MAP7: variants seen among roughly 807,000 people sequenced by gnomAD.
MAP7 encodes the protein ensconsin.
A neutral mutation model predicts 94.8 loss-of-function variants in MAP7; 52 were observed. The observed-to-expected ratio is 0.55, with a 90% CI of 0.44 to 0.69. The LOEUF is 0.69. Ranked by LOEUF, MAP7 falls within the 30% of genes least tolerant of loss-of-function variation. The probability of loss-of-function intolerance (pLI) is 0.00; values close to 1 mark genes in which losing one functional copy is unlikely to be tolerated. For missense variants in MAP7, 940 were observed against 964.6 expected (o/e 0.97, Z 0.34); for synonymous variants, 350 against 357.0 (o/e 0.98, Z 0.22).
rs1045827513 is a variant in MAP7, at chr6:136,343,412, C to T, written c.*816G>A. On this transcript the variant is annotated 3_prime_UTR_variant, in exon 18 of 18. Transcript: ENST00000354570. ...ACTGGGGACAGCAGCAACATACAGACTTCAGAAATAGCCCTGAATCATCAG... is the reference window on the plus strand; with the variant it reads ...ACTGGGGACAGCAGCAACATACAGATTTCAGAAATAGCCCTGAATCATCAG... 6.6e-6 allele frequency: 1 copy of T among 152,650 alleles called. No individual in the cohort carries two copies. The highest frequency in any genetic ancestry group is 2.4e-5 in the African/African-American group (1 of 41,458). The allele number at this position is 152,650 out of a possible 1,614,324, so 9.5% of individuals were successfully genotyped here. A position where few individuals can be genotyped will look rare whatever the true frequency, so the allele number is the denominator to read the frequency against.
chr6:136,498,784 C>T (rs1012857380), intron 1 of MAP7, among the ~76,000 whole-genome samples: 3 of 151,702 alleles, frequency 2.0e-5, no homozygotes, highest in Admixed American at 6.6e-5. Context: ...GAAAACCCAA[C>T]GAAGTTGACT....
chr6:136,431,592 A>C (rs1228926865), intron 1 of MAP7, among the ~76,000 whole-genome samples: 1 of 151,770 alleles, frequency 6.6e-6, no homozygotes, highest in Non-Finnish European at 1.5e-5. Context: ...ATCTTGATTC[A>C]CTGTAACCTC....
chr6:136,411,545 A>G, intron 3 of MAP7, 75 bp downstream of exon 3: 1 of 1,243,988 alleles, frequency 8.0e-7, no homozygotes, highest in Non-Finnish European at 1.1e-6. Context: ...TAAAATTCAT[A>G]AAGGTATGCA....
chr6:136,412,737 A>G (rs1416920631), intron 2 of MAP7, among the ~76,000 whole-genome samples: 3 of 152,184 alleles, frequency 2.0e-5, no homozygotes, highest in Non-Finnish European at 4.4e-5. Context: ...ACATGGGTGG[A>G]GAAGAGGGGT....
chr6:136,369,127 T>A (rs1371806144), intron 8 of MAP7, among the ~76,000 whole-genome samples: 2 of 152,254 alleles, frequency 1.3e-5, no homozygotes, highest in Non-Finnish European at 2.9e-5. Flanking sequence ...TAACTGGAAA[T>A]GTGAAATGCT....
chr6:136,509,188 C>T (rs1448077841), intron 1 of MAP7, among the ~76,000 whole-genome samples: 1 of 152,212 alleles, frequency 6.6e-6, no homozygotes, highest in Non-Finnish European at 1.5e-5. Context: ...AGCCACATGA[C>T]TGCAATTACC....
intron 3 of MAP7, among the ~76,000 whole-genome samples, chr6:136,404,961 T>C (rs1333199689): frequency 6.6e-6 from 1 of 152,244 alleles, no homozygotes; most frequent in East Asian, 1.9e-4. Context: ...GATAGATCCA[T>C]AGGAAAATTT....
chr6:136,452,166 C>A (rs978695397), intron 1 of MAP7, among the ~76,000 whole-genome samples: 6 of 151,416 alleles, frequency 4.0e-5, no homozygotes, highest in African/African-American at 7.3e-5. Flanking sequence ...TGAACTCCAG[C>A]CTGGGAGACA....
At chr6:136,412,208 T>C (rs1787712372) in intron 2 of MAP7, among the ~76,000 whole-genome samples, 2 of 152,188 alleles carry the variant, frequency 1.3e-5, no homozygotes, top group South Asian at 4.1e-4. Context: ...TTATTACCTG[T>C]AAAATGAGGA....
intron 1 of MAP7, among the ~76,000 whole-genome samples, chr6:136,459,044 TCAA>T (rs1165692894): frequency 5.9e-5 from 9 of 151,938 alleles, no homozygotes; most frequent in African/African-American, 2.2e-4. Flanking sequence ...CTCTTACAAC[TCAA>T]CAACAATAAA....
chr6:136,371,706 A>G (rs78939476), intron 8 of MAP7, among the ~76,000 whole-genome samples: 1 of 152,346 alleles, frequency 6.6e-6, no homozygotes, highest in East Asian at 1.9e-4. Context: ...TTCACTGGTG[A>G]GTCCTTTAAG....
intron 1 of MAP7, among the ~76,000 whole-genome samples, chr6:136,459,571 C>T (rs1267975890): frequency 6.6e-6 from 1 of 152,054 alleles, no homozygotes; most frequent in African/African-American, 2.4e-5. Context: ...ATTATTCAGC[C>T]TTTTTCTAAA....
At chr6:136,476,786 T>C (rs1039637004) in intron 1 of MAP7, among the ~76,000 whole-genome samples, 4 of 152,150 alleles carry the variant, frequency 2.6e-5, no homozygotes, top group Admixed American at 1.3e-4. Context: ...TGTGTATATA[T>C]ATACAAATCT....
intron 1 of MAP7, among the ~76,000 whole-genome samples, chr6:136,512,000 C>A (rs909604015): frequency 6.6e-6 from 1 of 152,182 alleles, no homozygotes; most frequent in Admixed American, 6.5e-5. Flanking sequence ...ATGTCCTAGC[C>A]GAAAACAAAC....
At chr6:136,513,832 G>T (rs1471883547) in intron 1 of MAP7, among the ~76,000 whole-genome samples, 1 of 152,136 alleles carries the variant, frequency 6.6e-6, no homozygotes, top group African/African-American at 2.4e-5. Flanking sequence ...GTTAAATGAG[G>T]TTTGCCAGGT....
At chr6:136,388,830 G>A (rs1161580487) in intron 4 of MAP7, among the ~76,000 whole-genome samples, 2 of 152,022 alleles carry the variant, frequency 1.3e-5, no homozygotes, top group South Asian at 2.1e-4. Context: ...ATGCTTATAC[G>A]ATACCATATT....
At chr6:136,449,627 T>C (rs1364191400) in intron 1 of MAP7, among the ~76,000 whole-genome samples, 1 of 152,236 alleles carries the variant, frequency 6.6e-6, no homozygotes, top group Non-Finnish European at 1.5e-5. Context: ...AATGTCTGTT[T>C]ACAGATCCAG....
At chr6:136,433,657 A>G (rs1357929461) in intron 1 of MAP7, among the ~76,000 whole-genome samples, 6 of 152,318 alleles carry the variant, frequency 3.9e-5, no homozygotes, top group Non-Finnish European at 7.4e-5. Context: ...TACATTTACC[A>G]TTCCTACCCT....
chr6:136,384,778 C>T (rs1246684724), intron 5 of MAP7, among the ~76,000 whole-genome samples: 7 of 152,126 alleles, frequency 4.6e-5, no homozygotes, highest in African/African-American at 1.7e-4. Context: ...AGCCACTGTG[C>T]CTGGCATAAT....
Sources: gnomAD v4.1 joint callset for allele counts (sites outside exome capture counted in the v4.1 genomes callset) on GRCh38, gnomAD v4.1.1 for gene constraint, MANE v1.5 for transcripts, NCBI Gene and HGNC (gene_info 2026-07-23, HGNC 2026-07-21) for gene names.